ENTREP2: variants seen among roughly 807,000 people sequenced by gnomAD.
ENTREP2 encodes the protein protein ENTREP2.
the ENTREP2 span, among the ~76,000 whole-genome samples, chr15:29,288,265 A>T: frequency 6.6e-6 from 1 of 152,228 alleles, no homozygotes; most frequent in Non-Finnish European, 1.5e-5. Flanking sequence ...ATATTTGTAT[A>T]CGTGCGTGTG....
the ENTREP2 span, among the ~76,000 whole-genome samples, chr15:29,323,622 G>A: frequency 6.6e-6 from 1 of 152,138 alleles, no homozygotes; most frequent in Admixed American, 6.5e-5. Flanking sequence ...AAGTCCTAGA[G>A]GCCTGGACTT....
At chr15:29,657,977 G>A in the ENTREP2 span, among the ~76,000 whole-genome samples, 1 of 152,130 alleles carries the variant, frequency 6.6e-6, no homozygotes, top group Non-Finnish European at 1.5e-5. Context: ...ATTAATACGT[G>A]AAAGAAGTCA....
At chr15:29,573,653 C>T in the ENTREP2 span, among the ~76,000 whole-genome samples, 1 of 151,254 alleles carries the variant, frequency 6.6e-6, no homozygotes, top group East Asian at 1.9e-4. Context: ...CCCCCTCTCT[C>T]TCTCCCTCTC....
chr15:29,366,518 C>T, the ENTREP2 span, among the ~76,000 whole-genome samples: 1 of 152,150 alleles, frequency 6.6e-6, no homozygotes, highest in African/African-American at 2.4e-5. Flanking sequence ...GCCATGGAAG[C>T]ACCACCGCAA....
At chr15:29,376,107 C>T in the ENTREP2 span, 1 of 151,786 alleles carries the variant, frequency 6.6e-6, no homozygotes, top group South Asian at 2.1e-4. Flanking sequence ...AAAAACTGTC[C>T]TAAACTGTAA....
chr15:29,283,128 G>C, the ENTREP2 span, among the ~76,000 whole-genome samples: 1 of 152,180 alleles, frequency 6.6e-6, no homozygotes, highest in African/African-American at 2.4e-5. Context: ...AGCTATCCCA[G>C]GCCAGAGTGG....
the ENTREP2 span, among the ~76,000 whole-genome samples, chr15:29,522,857 A>C: frequency 6.6e-6 from 1 of 152,318 alleles, no homozygotes. Flanking sequence ...AAACAGTTGA[A>C]GGTGATCATT....
chr15:29,626,516 C>G, the ENTREP2 span, among the ~76,000 whole-genome samples: 5 of 152,332 alleles, frequency 3.3e-5, no homozygotes, highest in Admixed American at 1.3e-4. Flanking sequence ...CATTAAACCT[C>G]TTTCCATTAT....
the ENTREP2 span, among the ~76,000 whole-genome samples, chr15:29,395,020 TGGGCTACAGGCG>T: frequency 1.3e-5 from 2 of 150,770 alleles, no homozygotes; most frequent in African/African-American, 2.4e-5. Flanking sequence ...CCTGAGTAGC[TGGGCTACAGGCG>T]CCCACCACCA....
chr15:29,552,748 T>G, the ENTREP2 span, among the ~76,000 whole-genome samples: 8 of 152,148 alleles, frequency 5.3e-5, no homozygotes, highest in African/African-American at 1.9e-4. Flanking sequence ...GAATCCAATT[T>G]TTAAATTATT....
the ENTREP2 span, among the ~76,000 whole-genome samples, chr15:29,505,446 G>C: frequency 1.3e-5 from 2 of 152,232 alleles, no homozygotes; most frequent in Non-Finnish European, 2.9e-5. The surrounding 1 kb of genome is among the most constrained non-coding windows in gnomAD (Gnocchi z 4.3). Context: ...CCTGACCCCA[G>C]TGCCTCCTGA....
At chr15:29,507,423 G>T in the ENTREP2 span, among the ~76,000 whole-genome samples, 3 of 152,288 alleles carry the variant, frequency 2.0e-5, no homozygotes, top group African/African-American at 7.2e-5. Context: ...GACATCTACA[G>T]AACTCTCCAC....
At chr15:29,605,827 A>G in the ENTREP2 span, among the ~76,000 whole-genome samples, 2 of 152,080 alleles carry the variant, frequency 1.3e-5, no homozygotes, top group African/African-American at 4.8e-5. Flanking sequence ...AGAGTGAGAC[A>G]CCATATCAAA....
At chr15:29,560,260 T>C in the ENTREP2 span, among the ~76,000 whole-genome samples, 1 of 152,078 alleles carries the variant, frequency 6.6e-6, no homozygotes, top group Non-Finnish European at 1.5e-5. Flanking sequence ...AGACACTTAT[T>C]TGGAGGGGAA....
the ENTREP2 span, chr15:29,151,909 T>TGCCA: frequency 8.6e-7 from 1 of 1,157,030 alleles, no homozygotes; most frequent in Non-Finnish European, 1.2e-6. Context: ...TTAGCCCTCC[T>TGCCA]GCCAGGGCCC....
At chr15:29,266,266 GCTGAAAAGATA>G in the ENTREP2 span, 1 of 152,220 alleles carries the variant, frequency 6.6e-6, no homozygotes, top group Non-Finnish European at 1.5e-5. Context: ...TACCAGAATG[GCTGAAAAGATA>G]CTGAAAAGGC....
At chr15:29,512,431 T>C in the ENTREP2 span, among the ~76,000 whole-genome samples, 17 of 152,302 alleles carry the variant, frequency 1.1e-4, no homozygotes, top group Middle Eastern at 3.4e-3. Context: ...CCCTCTCCCT[T>C]TCCTAATTAT....
the ENTREP2 span, among the ~76,000 whole-genome samples, chr15:29,421,177 T>G: frequency 6.6e-6 from 1 of 152,208 alleles, no homozygotes; most frequent in Non-Finnish European, 1.5e-5. Flanking sequence ...GAGAGGCTAT[T>G]GCAAGAGGAG....
At chr15:29,342,255 G>C in the ENTREP2 span, among the ~76,000 whole-genome samples, 2 of 152,226 alleles carry the variant, frequency 1.3e-5, no homozygotes, top group Non-Finnish European at 2.9e-5. Flanking sequence ...TGTATGGGCA[G>C]GGAGGTGAGG....
Sources: gnomAD v4.1 joint callset for allele counts (sites outside exome capture counted in the v4.1 genomes callset) on GRCh38, gnomAD v4.1.1 for gene constraint, Gnocchi (gnomAD v3.1) non-coding constraint, MANE v1.5 for transcripts, NCBI Gene and HGNC (gene_info 2026-07-23, HGNC 2026-07-21) for gene names.